RPS6KA3: variants seen among roughly 807,000 people sequenced by gnomAD.
RPS6KA3 encodes the protein ribosomal protein S6 kinase alpha-3.
A neutral mutation model predicts 67.2 loss-of-function variants in RPS6KA3; 4 were observed. The ratio of observed to expected loss-of-function variants is 0.06; its 90% CI spans 0.03 to 0.14. The LOEUF (loss-of-function observed/expected upper bound fraction) is 0.14. RPS6KA3 is among the 10% of genes least tolerant of loss of function. RPS6KA3 has a pLI of 1.00. For missense variants in RPS6KA3, 204 were observed against 559.0 expected, an observed-to-expected ratio of 0.36 and a Z score of 6.40; for synonymous variants, 182 against 183.7, an observed-to-expected ratio of 0.99 and a Z score of 0.07.
rs1681184676 is a variant in RPS6KA3, at chrX:20,216,399, A to G, written c.127-6995T>C. Among the ~76,000 whole-genome samples the G allele has an allele frequency of 5.4e-5, 6 of 111,315 alleles. No individual in the cohort carries two copies. The South Asian group carries it at 2.3e-3, about 42-fold the overall frequency. On this transcript the variant is annotated intron_variant, in intron 2 of 21. Transcript: ENST00000379565. ...TCCATTTAAACATTTATTTTTGAGT[A>G]CCTGATACATGCTAGGTACTCTTCT...
At chrX:20,200,343 A>C (rs1028463321) in intron 4 of RPS6KA3, among the ~76,000 whole-genome samples, 3 of 112,211 alleles carry the variant, frequency 2.7e-5, no homozygotes, top group Non-Finnish European at 3.8e-5. Context: ...GCAGCTAAAG[A>C]GATGAAAGTC....
At chrX:20,229,580 G>A (rs1009968437) in intron 2 of RPS6KA3, among the ~76,000 whole-genome samples, 2 of 111,956 alleles carry the variant, frequency 1.8e-5, no homozygotes, top group African/African-American at 6.5e-5. Context: ...CACTAAGTTT[G>A]GAGTAATTTG....
At chrX:20,179,157 T>C (rs192855841) in intron 10 of RPS6KA3, among the ~76,000 whole-genome samples, 18 of 112,011 alleles carry the variant, frequency 1.6e-4, no homozygotes, top group African/African-American at 5.8e-4. Flanking sequence ...GAATAAAAAA[T>C]GATTTCCTGG....
chrX:20,182,315 G>T (rs1024454153), intron 10 of RPS6KA3, among the ~76,000 whole-genome samples: 1 of 111,450 alleles, frequency 9.0e-6, no homozygotes, highest in African/African-American at 3.3e-5. Flanking sequence ...TTTTTCTTTT[G>T]TGTCTGTACT....
intron 5 of RPS6KA3, among the ~76,000 whole-genome samples, chrX:20,194,713 T>C (rs2068227425): frequency 9.0e-6 from 1 of 110,798 alleles, no homozygotes; most frequent in African/African-American, 3.3e-5. Flanking sequence ...TTTTAGGATG[T>C]TGACATTAGG....
chrX:20,237,229 G>T (rs1768155139), intron 1 of RPS6KA3, among the ~76,000 whole-genome samples: 1 of 110,978 alleles, frequency 9.0e-6, no homozygotes, highest in African/African-American at 3.3e-5. Flanking sequence ...TTAATGAATG[G>T]CACCATCATT....
intron 2 of RPS6KA3, among the ~76,000 whole-genome samples, chrX:20,225,504 C>G (rs185755251): frequency 3.7e-4 from 41 of 110,980 alleles, no homozygotes; most frequent in African/African-American, 1.3e-3. Flanking sequence ...TCTGAGTACT[C>G]AAATACACTC....
intron 17 of RPS6KA3, among the ~76,000 whole-genome samples, chrX:20,166,539 G>A (rs151060563): frequency 9.0e-6 from 1 of 110,620 alleles, no homozygotes; most frequent in Non-Finnish European, 1.9e-5. Context: ...TTTTATATAT[G>A]CATGTATCAA....
chrX:20,254,667 T>G (rs1461151301), intron 1 of RPS6KA3, among the ~76,000 whole-genome samples: 1 of 112,217 alleles, frequency 8.9e-6, no homozygotes, highest in Non-Finnish European at 1.9e-5. Context: ...AAAGCCAACT[T>G]AAGTCCCTAA....
intron 8 of RPS6KA3, 39 bp downstream of exon 8, chrX:20,188,458 G>A (rs765237703): frequency 4.0e-6 from 3 of 747,743 alleles, no homozygotes; most frequent in Admixed American, 2.4e-5. Flanking sequence ...ATATATTGTA[G>A]GAGAAAATAT....
chrX:20,174,818 G>A (rs772444039), intron 14 of RPS6KA3, among the ~76,000 whole-genome samples: 1 of 111,442 alleles, frequency 9.0e-6, no homozygotes. Context: ...GCAGTGGTGC[G>A]ATCTCCGCTC....
chrX:20,242,755 G>T lies in RPS6KA3; in HGVS notation c.70-7941C>A, dbSNP rs1308299194. Among the ~76,000 whole-genome samples, 5 of 111,919 alleles carry T rather than the reference G, an allele frequency of 4.5e-5. No homozygotes were observed. The Admixed American group carries it at 4.7e-4, about 11-fold the overall frequency. ...TACTGATGTTTTATGAGTGATGATA[G>T]TAAGGTCCTTATGAATTTTAAAAGT... On this transcript the variant is annotated intron_variant, in intron 1 of 21. Transcript: ENST00000379565.
At chrX:20,228,205 G>C (rs570039108) in intron 2 of RPS6KA3, among the ~76,000 whole-genome samples, 4 of 111,725 alleles carry the variant, frequency 3.6e-5, no homozygotes, top group African/African-American at 1.3e-4. Context: ...CTTTTATACT[G>C]GAAGACTTCC....
At chrX:20,240,982 T>G (rs2069536263) in intron 1 of RPS6KA3, among the ~76,000 whole-genome samples, 1 of 111,214 alleles carries the variant, frequency 9.0e-6, no homozygotes, top group Non-Finnish European at 1.9e-5. Flanking sequence ...TATATGCACT[T>G]ATTATGTATT....
In RPS6KA3 at chrX:20,167,575, G is replaced by A; in HGVS notation, c.1602+14C>T. 8.3e-7 allele frequency: 1 copy of A among 1,200,952 alleles called. No homozygotes were observed. Among genetic ancestry groups the A allele is most frequent in the Non-Finnish European group, 1.1e-6 (1 of 885,750 alleles). Reference sequence around the variant, plus strand: ...AGTGTGTGTATGTACATATAGAGTGGTAAAAAGACTTACCCCTTGTGCGTG... The same window carrying A: ...AGTGTGTGTATGTACATATAGAGTGATAAAAAGACTTACCCCTTGTGCGTG... On this transcript the variant is annotated intron_variant, in intron 17 of 21. Transcript: ENST00000379565.
intron 7 of RPS6KA3, among the ~76,000 whole-genome samples, chrX:20,188,992 T>C (rs778892588): frequency 8.9e-6 from 1 of 112,512 alleles, no homozygotes; most frequent in Non-Finnish European, 1.9e-5. Flanking sequence ...CAGGCAGGTC[T>C]TGAACTGCTG....
intron 1 of RPS6KA3, among the ~76,000 whole-genome samples, chrX:20,244,577 A>G (rs1277207867): frequency 8.9e-6 from 1 of 112,291 alleles, no homozygotes; most frequent in African/African-American, 3.2e-5. Context: ...GAAGAAAAAA[A>G]GTTAGGTTGA....
intron 20 of RPS6KA3, 74 bp downstream of exon 20, chrX:20,161,570 T>A: frequency 2.2e-6 from 1 of 447,556 alleles, no homozygotes; most frequent in Non-Finnish European, 4.0e-6. Context: ...GGTTTCTAAC[T>A]GGTAGTATTT....
At chrX:20,229,948 T>C (rs1337938384) in intron 2 of RPS6KA3, among the ~76,000 whole-genome samples, 3 of 112,132 alleles carry the variant, frequency 2.7e-5, no homozygotes, top group Non-Finnish European at 5.6e-5. Flanking sequence ...CCATTTAACA[T>C]CACAATGGAA....
Sources: allele counts gnomAD v4.1 joint callset (sites outside exome capture counted in the v4.1 genomes callset), GRCh38; gene constraint gnomAD v4.1.1; transcripts MANE v1.5; gene names NCBI Gene and HGNC (gene_info 2026-07-23, HGNC 2026-07-21).